NRG3: variants seen among roughly 807,000 people sequenced by gnomAD.
The protein encoded by NRG3 is pro-neuregulin-3, membrane-bound isoform.
A neutral mutation model predicts 66.9 loss-of-function variants in NRG3; 31 were observed. That is an observed-to-expected ratio of 0.46 (90% confidence interval 0.35 to 0.63). NRG3 has a LOEUF of 0.63. NRG3 is among the 20% of genes least tolerant of loss of function. The probability of loss-of-function intolerance (pLI) is 0.00; values close to 1 mark genes in which losing one functional copy is unlikely to be tolerated. For missense variants in NRG3, 910 were observed against 878.9 expected, an observed-to-expected ratio of 1.04 and a Z score of -0.45; for synonymous variants, 393 against 359.4, an observed-to-expected ratio of 1.09 and a Z score of -1.06.
chr10:81,876,509 G>T (rs1293458001), intron 1 of NRG3, among the ~76,000 whole-genome samples: 3 of 152,176 alleles, frequency 2.0e-5, no homozygotes, highest in African/African-American at 7.2e-5. Context: ...GCCGGATCCC[G>T]CTCCAGTAGA....
intron 1 of NRG3, among the ~76,000 whole-genome samples, chr10:82,043,870 TGGTG>T (rs991681129): frequency 6.6e-6 from 1 of 152,102 alleles, no homozygotes; most frequent in Admixed American, 6.6e-5. Flanking sequence ...TGCATATTTC[TGGTG>T]TACAAAACAT....
At chr10:82,984,866 T>G in intron 8 of NRG3, 1 of 1,449,768 alleles carries the variant, frequency 6.9e-7, no homozygotes, top group Non-Finnish European at 9.5e-7. Flanking sequence ...TAAGAAGATC[T>G]GGGTTTGAGT....
intron 2 of NRG3, among the ~76,000 whole-genome samples, chr10:82,721,396 C>T (rs1371642658): frequency 6.6e-6 from 1 of 151,756 alleles, no homozygotes; most frequent in African/African-American, 2.4e-5. Context: ...CTTCGGCCTC[C>T]CAAAATGCTG....
chr10:82,432,116 A>G (rs2089850691), intron 2 of NRG3, among the ~76,000 whole-genome samples: 1 of 152,184 alleles, frequency 6.6e-6, no homozygotes, highest in African/African-American at 2.4e-5. Context: ...TAATGAATCA[A>G]ATGTTTGTGC....
chr10:82,558,697 A>G (rs1462079924), intron 2 of NRG3, among the ~76,000 whole-genome samples: 2 of 152,196 alleles, frequency 1.3e-5, no homozygotes, highest in Non-Finnish European at 2.9e-5. Flanking sequence ...TCTCTAAAGT[A>G]TAGAATAACT....
At chr10:82,503,819 A>C (rs1489687351) in intron 2 of NRG3, among the ~76,000 whole-genome samples, 1 of 152,176 alleles carries the variant, frequency 6.6e-6, no homozygotes, top group Admixed American at 6.5e-5. Context: ...TTATGAGACC[A>C]GTGCTTTCAT....
At chr10:82,588,826 C>T (rs2046825908) in intron 2 of NRG3, among the ~76,000 whole-genome samples, 1 of 152,052 alleles carries the variant, frequency 6.6e-6, no homozygotes, top group Non-Finnish European at 1.5e-5. Context: ...TATAAATTAC[C>T]CATCCTCAGG....
intron 1 of NRG3, among the ~76,000 whole-genome samples, chr10:82,190,160 A>C (rs1276972053): frequency 6.6e-6 from 1 of 152,164 alleles, no homozygotes; most frequent in African/African-American, 2.4e-5. Flanking sequence ...GGGGACAATA[A>C]TAGTGCCTAC....
intron 1 of NRG3, among the ~76,000 whole-genome samples, chr10:82,274,694 T>C (rs1242010306): frequency 6.6e-6 from 1 of 152,012 alleles, no homozygotes; most frequent in Non-Finnish European, 1.5e-5. Flanking sequence ...AAGTCCAAAC[T>C]GGTAATTAGT....
At chr10:82,169,568 A>G (rs1414281222) in intron 1 of NRG3, among the ~76,000 whole-genome samples, 1 of 151,398 alleles carries the variant, frequency 6.6e-6, no homozygotes, top group Non-Finnish European at 1.5e-5. Flanking sequence ...TGTAAAATGA[A>G]TTTTGCTTAA....
intron 4 of NRG3, among the ~76,000 whole-genome samples, chr10:82,923,851 G>T (rs1265618935): frequency 6.6e-6 from 1 of 151,858 alleles, no homozygotes; most frequent in African/African-American, 2.4e-5. Flanking sequence ...AGAGAGGGCC[G>T]GGCACAGAGG....
intron 1 of NRG3, among the ~76,000 whole-genome samples, chr10:81,926,442 A>C (rs1846795199): frequency 5.9e-5 from 9 of 152,158 alleles, no homozygotes; most frequent in Admixed American, 5.9e-4. Context: ...TTTAGAGAAG[A>C]GAATATCCGG....
intron 1 of NRG3, among the ~76,000 whole-genome samples, chr10:81,966,444 A>G (rs1373918969): frequency 1.3e-5 from 2 of 151,540 alleles, no homozygotes; most frequent in Admixed American, 1.3e-4. Context: ...AGATGAGTTG[A>G]TTTTTCTTAT....
intron 1 of NRG3, among the ~76,000 whole-genome samples, chr10:82,236,327 A>C (rs761513952): frequency 2.6e-4 from 40 of 152,196 alleles, no homozygotes; most frequent in Non-Finnish European, 5.6e-4. Flanking sequence ...AGTTTTGTTC[A>C]CAACCAAGGC....
chr10:82,653,963 T>C (rs2051640225), intron 2 of NRG3, among the ~76,000 whole-genome samples: 1 of 152,176 alleles, frequency 6.6e-6, no homozygotes, highest in Non-Finnish European at 1.5e-5. Context: ...ACTGCGGGTG[T>C]CTTTTCTTTC....
chr10:82,021,816 G>GA, intron 1 of NRG3, among the ~76,000 whole-genome samples: 1 of 129,312 alleles, frequency 7.7e-6, no homozygotes, highest in Admixed American at 7.7e-5. Context: ...GTGTGTGTGT[G>GA]TGTGTGTGTG....
chr10:82,959,100 C>T lies in NRG3; in HGVS notation c.1284+25C>T, dbSNP rs201112470. On this transcript the variant is annotated intron_variant, in intron 6 of 8. Transcript: ENST00000372141. ...TGTAAGTGACATGTCTACACACCTC[C>T]TCCTATAGCCTACCTCAGTGCTTCC... 21 of 1,554,288 alleles carry T rather than the reference C, an allele frequency of 1.4e-5. No homozygotes were observed. In the East Asian group the frequency reaches 4.6e-4, roughly 34 times the overall value.
chr10:82,570,402 A>G (rs1351265195), intron 2 of NRG3, among the ~76,000 whole-genome samples: 2 of 151,644 alleles, frequency 1.3e-5, no homozygotes, highest in Non-Finnish European at 3.0e-5. Context: ...AATTAAATAT[A>G]TATTTTTCTC....
At chr10:82,246,126 C>T (rs1482970142) in intron 1 of NRG3, among the ~76,000 whole-genome samples, 6 of 151,872 alleles carry the variant, frequency 4.0e-5, no homozygotes, top group Non-Finnish European at 8.8e-5. Context: ...TGTGTCCTTG[C>T]AGTTTTCGCA....
Sources: gnomAD v4.1 joint callset for allele counts (sites outside exome capture counted in the v4.1 genomes callset) on GRCh38, gnomAD v4.1.1 for gene constraint, MANE v1.5 for transcripts, NCBI Gene and HGNC (gene_info 2026-07-23, HGNC 2026-07-21) for gene names.